RSU1: variants seen among roughly 807,000 people sequenced by gnomAD.
RSU1 encodes Ras suppressor protein 1.
In RSU1, 26 loss-of-function variants were observed where a neutral mutation model predicts 31.1. The ratio of observed to expected loss-of-function variants is 0.84; its 90% CI spans 0.61 to 1.16. RSU1 has a LOEUF of 1.16. Among genes scored for constraint, RSU1 ranks in the 50% most tolerant of loss-of-function variants. The probability of loss-of-function intolerance (pLI) is 0.00; values close to 1 mark genes in which losing one functional copy is unlikely to be tolerated. For missense variants in RSU1, 320 were observed against 339.1 expected (o/e 0.94, Z 0.44); for synonymous variants, 164 against 136.3 (o/e 1.20, Z -1.41).
chr10:16,597,006 C>T (rs755065902), intron 8 of RSU1, among the ~76,000 whole-genome samples: 50 of 152,382 alleles, frequency 3.3e-4, no homozygotes, highest in Non-Finnish European at 5.1e-4. Context: ...GTGAGCCACG[C>T]ACCTGGCCTC....
intron 2 of RSU1, among the ~76,000 whole-genome samples, chr10:16,792,756 A>C (rs1449647954): frequency 1.3e-5 from 2 of 152,218 alleles, no homozygotes; most frequent in African/African-American, 4.8e-5. Context: ...CAAAGAATTA[A>C]CTGGATCTTA....
rs546283132 is a variant in RSU1 at position 16,817,077 on chromosome 10, G to C, written c.5C>G (p.Ser2Cys). 43 of 1,611,814 alleles carry C rather than the reference G, an allele frequency of 2.7e-5. 1 individual carries two copies. The South Asian group carries it at 4.4e-4, about 16-fold the overall frequency. Reference sequence around the variant, plus strand: ...CTCCACCAACTTCTTCAGAGACTTGGACATGGTCTGCACCGAACAACAACA... The same window carrying C: ...CTCCACCAACTTCTTCAGAGACTTGCACATGGTCTGCACCGAACAACAACA... M[S>C]KSLKKLVEES... Residue 2 changes from serine (S) to cysteine (C), a missense_variant, in exon 2 of 9, where the codon TCC becomes TGC. Coordinates refer to ENST00000345264, the MANE Select transcript of RSU1 (RefSeq NM_012425.4).
At chr10:16,627,714 G>A (rs753781290) in intron 8 of RSU1, among the ~76,000 whole-genome samples, 9 of 141,470 alleles carry the variant, frequency 6.4e-5, no homozygotes, top group Non-Finnish European at 9.0e-5. Flanking sequence ...CCAAGATTGC[G>A]CCATTGCCCT....
chr10:16,764,262 C>A, intron 4 of RSU1, 128 bp downstream of exon 4: 3 of 1,174,218 alleles, frequency 2.6e-6, no homozygotes, highest in South Asian at 5.3e-5. Flanking sequence ...TTTTAAGACC[C>A]AAAACATAAA....
chr10:16,669,458 G>A (rs7899419), intron 8 of RSU1, among the ~76,000 whole-genome samples: 10,175 of 151,570 alleles, frequency 0.067, 679 homozygotes, highest in African/African-American at 0.17. Context: ...ATCTTTCACC[G>A]TGTTTGGCTA....
chr10:16,681,908 T>C (rs1165466511), intron 8 of RSU1, among the ~76,000 whole-genome samples: 1 of 152,220 alleles, frequency 6.6e-6, no homozygotes, highest in African/African-American at 2.4e-5. Context: ...CCTATATTCC[T>C]TATTTCCCCT....
At chr10:16,757,714 G>A (rs1837127949) in intron 4 of RSU1, among the ~76,000 whole-genome samples, 2 of 152,190 alleles carry the variant, frequency 1.3e-5, no homozygotes, top group African/African-American at 4.8e-5. Context: ...ACCCCATACC[G>A]CACGGAGGCC....
intron 7 of RSU1, among the ~76,000 whole-genome samples, chr10:16,733,792 A>G (rs1836570598): frequency 6.6e-6 from 1 of 152,218 alleles, no homozygotes; most frequent in African/African-American, 2.4e-5. Context: ...AACAAGCTGA[A>G]TCTTTTGGTC....
rs1464094950 is a variant in RSU1 at position 16,752,514 on chromosome 10, T to C, written c.598+25A>G. On this transcript the variant is annotated intron_variant, in intron 7 of 8. Transcript: ENST00000345264. The stretch of plus-strand genomic sequence containing the variant: ...AATTGTTATTCATGAAACCCAGAAC[T>C]AAGTTCATTCATCAGCAACCTTACC... 8 of 1,536,258 alleles carry C rather than the reference T, an allele frequency of 5.2e-6. No individual in the cohort carries two copies. In the African/African-American group the frequency reaches 6.8e-5, roughly 13 times the overall value.
chr10:16,805,962 G>A (rs1008477644), intron 2 of RSU1, among the ~76,000 whole-genome samples: 1 of 152,156 alleles, frequency 6.6e-6, no homozygotes, highest in Non-Finnish European at 1.5e-5. Flanking sequence ...TCAGGAGGCT[G>A]GCAGTCTCAG....
chr10:16,738,672 G>T (rs921794103), intron 7 of RSU1, among the ~76,000 whole-genome samples: 1 of 152,086 alleles, frequency 6.6e-6, no homozygotes, highest in African/African-American at 2.4e-5. Context: ...GGACAATACA[G>T]ACTAACTCAG....
chr10:16,623,548 T>G (rs185125426), intron 8 of RSU1, among the ~76,000 whole-genome samples: 1 of 152,212 alleles, frequency 6.6e-6, no homozygotes, highest in Non-Finnish European at 1.5e-5. Flanking sequence ...TACCCACCAA[T>G]GGGATTGCTG....
chr10:16,737,928 T>C (rs774833988), intron 7 of RSU1, among the ~76,000 whole-genome samples: 21 of 152,348 alleles, frequency 1.4e-4, no homozygotes, highest in African/African-American at 4.1e-4. Flanking sequence ...ACTAGAATTA[T>C]ATAGACTATG....
intron 4 of RSU1, among the ~76,000 whole-genome samples, chr10:16,762,550 C>T (rs1837231340): frequency 6.6e-6 from 1 of 151,342 alleles, no homozygotes; most frequent in Non-Finnish European, 1.5e-5. Flanking sequence ...AAGCGATGTT[C>T]CTCCCTCCTT....
chr10:16,651,454 C>T (rs1834682876), intron 8 of RSU1, among the ~76,000 whole-genome samples: 1 of 152,224 alleles, frequency 6.6e-6, no homozygotes, highest in African/African-American at 2.4e-5. Flanking sequence ...AGTGTCACCA[C>T]TGCTGGGTTT....
intron 8 of RSU1, among the ~76,000 whole-genome samples, chr10:16,661,539 C>T (rs1469529240): frequency 2.0e-5 from 3 of 152,130 alleles, no homozygotes; most frequent in Non-Finnish European, 4.4e-5. Context: ...CAACATTAAG[C>T]TTATAGTCAC....
At position 16,614,473 on chromosome 10, in the gene RSU1, T is replaced by G. The variant is rs189299765; in HGVS notation, c.732-20977A>C. On this transcript the variant is annotated intron_variant, in intron 8 of 8. Coordinates refer to ENST00000345264, the MANE Select transcript of RSU1 (RefSeq NM_012425.4). ...CTATAGTCCCCCCACCACAAGAGAATTGTAATCAATAATTTACACTTAAAA... is the reference window on the plus strand; with the variant it reads ...CTATAGTCCCCCCACCACAAGAGAAGTGTAATCAATAATTTACACTTAAAA... 3.0e-4 allele frequency among the ~76,000 whole-genome samples: 45 copies of G among 151,920 alleles called. 1 individual carries two copies. Among genetic ancestry groups the G allele is most frequent in the Admixed American group, 2.9e-3 (45 of 15,266 alleles).
Position 16,803,237 on chromosome 10 carries a change from C to T in RSU1, c.109+13736G>A, listed in dbSNP as rs547240479. Among the ~76,000 whole-genome samples the T allele has an allele frequency of 3.3e-4, 50 of 152,176 alleles. No homozygotes were observed. In the South Asian group the frequency reaches 8.7e-3, roughly 27 times the overall value. On this transcript the variant is annotated intron_variant, in intron 2 of 8. Coordinates refer to ENST00000345264, the MANE Select transcript of RSU1 (RefSeq NM_012425.4). ...TTCTATATAAAAAAATAGAATTTTACATTAAAAACACACCATTTACATTAA... is the reference window on the plus strand; with the variant it reads ...TTCTATATAAAAAAATAGAATTTTATATTAAAAACACACCATTTACATTAA...
Position 16,784,285 on chromosome 10 carries a change from A to AG in RSU1, c.110-2202dup, listed in dbSNP as rs1170514381. 5.9e-5 allele frequency among the ~76,000 whole-genome samples: 9 copies of AG among 151,710 alleles called. No individual in the cohort carries two copies. The East Asian group carries it at 1.7e-3, about 29-fold the overall frequency. Reference sequence around the variant, plus strand: ...TTTTGTTTTATTTTGTTTTGTTTTTAGAAATGGGTTCTCATTCTGTTGCCC... The same window carrying AG: ...TTTTGTTTTATTTTGTTTTGTTTTTAGGAAATGGGTTCTCATTCTGTTGCCC... On this transcript the variant is annotated intron_variant, in intron 2 of 8. Coordinates refer to ENST00000345264, the MANE Select transcript of RSU1 (RefSeq NM_012425.4).
Sources: allele counts gnomAD v4.1 joint callset (sites outside exome capture counted in the v4.1 genomes callset), GRCh38; gene constraint gnomAD v4.1.1; transcripts MANE v1.5; gene names NCBI Gene and HGNC (gene_info 2026-07-23, HGNC 2026-07-21).